Variants in KCNH8 observed in about 807,000 individuals in gnomAD.
The protein encoded by KCNH8 is voltage-gated delayed rectifier potassium channel KCNH8.
Under a neutral mutation model 103.6 loss-of-function variants are expected in KCNH8, and 70 were observed. The observed-to-expected ratio is 0.68, with a 90% confidence interval of 0.56 to 0.82. The LOEUF is 0.82. KCNH8 is among the 40% of genes least tolerant of loss of function. The pLI is 0.00. For synonymous variants in KCNH8, 498 were observed against 489.4 expected, an observed-to-expected ratio of 1.02 and a Z score of -0.23; for missense variants, 1,217 against 1,329.9, an observed-to-expected ratio of 0.92 and a Z score of 1.32.
At chr3:19,238,632 A>T (rs954540419) in intron 1 of KCNH8, among the ~76,000 whole-genome samples, 1 of 152,224 alleles carries the variant, frequency 6.6e-6, no homozygotes, top group Admixed American at 6.5e-5. Context: ...CAAAAGAACC[A>T]ATTACTTGTC....
intron 1 of KCNH8, among the ~76,000 whole-genome samples, chr3:19,162,229 A>C (rs1435818313): frequency 6.6e-6 from 1 of 152,018 alleles, no homozygotes; most frequent in Non-Finnish European, 1.5e-5. Flanking sequence ...GTACTACTGA[A>C]GGCCAGGCGT....
chr3:19,187,265 GTTA>G (rs2125206974), intron 1 of KCNH8, among the ~76,000 whole-genome samples: 1 of 151,756 alleles, frequency 6.6e-6, no homozygotes, highest in Admixed American at 6.6e-5. Flanking sequence ...ATAGTAATAA[GTTA>G]TTATACATAA....
rs117985693 is a variant in KCNH8 at position 19,249,783 on chromosome 3, T to C, written c.77-3871T>C. 1.1e-3 allele frequency among the ~76,000 whole-genome samples: 173 copies of C among 152,300 alleles called. No homozygotes were observed. The East Asian group carries it at 0.028, about 25-fold the overall frequency. On this transcript the variant is annotated intron_variant, in intron 1 of 15. Coordinates refer to ENST00000328405, the MANE Select transcript of KCNH8 (RefSeq NM_144633.3). ...AAACTACATAAATGTGAGTGATTATTACAAAAATTCAAGTTATGGGCTTCT... is the reference window on the plus strand; with the variant it reads ...AAACTACATAAATGTGAGTGATTATCACAAAAATTCAAGTTATGGGCTTCT...
chr3:19,234,338 GC>G (rs2064033719), intron 1 of KCNH8, among the ~76,000 whole-genome samples: 2 of 152,198 alleles, frequency 1.3e-5, no homozygotes, highest in African/African-American at 4.8e-5. Flanking sequence ...AGCAGGGGGC[GC>G]CGCTCGTGGG....
intron 1 of KCNH8, among the ~76,000 whole-genome samples, chr3:19,248,312 G>C (rs1303538721): frequency 6.6e-6 from 1 of 152,158 alleles, no homozygotes. Context: ...CGACATTTCT[G>C]TGCTGCCTAT....
intron 5 of KCNH8, among the ~76,000 whole-genome samples, chr3:19,375,785 G>T (rs956250352): frequency 3.3e-5 from 5 of 151,714 alleles, no homozygotes; most frequent in Non-Finnish European, 7.4e-5. Flanking sequence ...TGGGTTTTTG[G>T]TGTGGATGTC....
chr3:19,479,065 A>G (rs1194394555), intron 11 of KCNH8, among the ~76,000 whole-genome samples: 1 of 152,146 alleles, frequency 6.6e-6, no homozygotes, highest in African/African-American at 2.4e-5. Flanking sequence ...TACATAGCTA[A>G]TAATTGGCAG....
chr3:19,274,789 C>T (rs1364025234), intron 2 of KCNH8, among the ~76,000 whole-genome samples: 4 of 139,444 alleles, frequency 2.9e-5, no homozygotes, highest in South Asian at 2.4e-4. Flanking sequence ...AAACTTGACA[C>T]GTTTCAATCA....
chr3:19,188,563 T>C (rs1205700169), intron 1 of KCNH8, among the ~76,000 whole-genome samples: 1 of 152,012 alleles, frequency 6.6e-6, no homozygotes, highest in African/African-American at 2.4e-5. Context: ...TTAATAAAAA[T>C]CGATTTATAA....
intron 8 of KCNH8, among the ~76,000 whole-genome samples, chr3:19,443,457 T>TTA (rs926402749): frequency 1.1e-4 from 16 of 150,980 alleles, no homozygotes; most frequent in Admixed American, 6.0e-4. Flanking sequence ...AACATAAACT[T>TTA]TATATATATG....
intron 2 of KCNH8, among the ~76,000 whole-genome samples, chr3:19,258,929 CTCTCTCTCTCTCTCTCTCTATATA>C (rs1490971989): frequency 4.9e-5 from 4 of 82,428 alleles, no homozygotes; most frequent in African/African-American, 1.9e-4. Flanking sequence ...CTCTCTCTCT[CTCTCTCTCTCTCTCTCTCTATATA>C]TATATATATA....
chr3:19,505,731 C>A (rs1248785455), intron 11 of KCNH8, among the ~76,000 whole-genome samples: 1 of 152,090 alleles, frequency 6.6e-6, no homozygotes, highest in Non-Finnish European at 1.5e-5. Context: ...GGAAGGTTTG[C>A]ATGGATGATA....
chr3:19,453,771 C>T (rs1166462946), intron 10 of KCNH8, among the ~76,000 whole-genome samples: 1 of 152,132 alleles, frequency 6.6e-6, no homozygotes, highest in East Asian at 1.9e-4. Context: ...TGAGCCCTTA[C>T]CAAACACCAG....
intron 11 of KCNH8, among the ~76,000 whole-genome samples, chr3:19,480,017 G>A (rs2068056117): frequency 6.6e-6 from 1 of 152,204 alleles, no homozygotes; most frequent in Non-Finnish European, 1.5e-5. Context: ...TTCAGCTGTA[G>A]ATAATGTTCC....
intron 5 of KCNH8, among the ~76,000 whole-genome samples, chr3:19,350,380 G>A (rs6551231): frequency 5.9e-5 from 9 of 152,118 alleles, no homozygotes; most frequent in East Asian, 5.8e-4. Context: ...AGAGAGGAGC[G>A]GTTCTCCCAG....
chr3:19,375,722 C>T (rs1450930273), intron 5 of KCNH8, among the ~76,000 whole-genome samples: 5 of 151,930 alleles, frequency 3.3e-5, no homozygotes, highest in South Asian at 4.2e-4. Flanking sequence ...CTGTTTTTTC[C>T]CCATCTTTGT....
At chr3:19,231,085 T>C (rs1223707265) in intron 1 of KCNH8, among the ~76,000 whole-genome samples, 1 of 152,176 alleles carries the variant, frequency 6.6e-6, no homozygotes, top group Non-Finnish European at 1.5e-5. Flanking sequence ...GTGTGGGCTA[T>C]TTTGCAATCA....
chr3:19,292,315 T>C (rs2064939812), intron 3 of KCNH8, among the ~76,000 whole-genome samples: 1 of 152,166 alleles, frequency 6.6e-6, no homozygotes, highest in Admixed American at 6.6e-5. Context: ...TAGGGGTTGA[T>C]GTGTGAAGCT....
At chr3:19,236,962 T>C (rs895096762) in intron 1 of KCNH8, among the ~76,000 whole-genome samples, 8 of 152,250 alleles carry the variant, frequency 5.3e-5, no homozygotes, top group Non-Finnish European at 1.2e-4. Flanking sequence ...CCTTTGGAAG[T>C]CACTTAGTTT....
Sources: gnomAD v4.1 joint callset for allele counts (sites outside exome capture counted in the v4.1 genomes callset) on GRCh38, gnomAD v4.1.1 for gene constraint, MANE v1.5 for transcripts, NCBI Gene and HGNC (gene_info 2026-07-23, HGNC 2026-07-21) for gene names.